Variants in RGS22 observed in about 807,000 individuals in gnomAD.
The protein encoded by RGS22 is regulator of G protein signaling 22, also known as regulator of G-protein signaling 22.
In RGS22, 148 loss-of-function variants were observed where a neutral mutation model predicts 172.9. The observed-to-expected ratio is 0.86, with a 90% CI of 0.75 to 0.98. RGS22 has a LOEUF of 0.98. Among genes scored for constraint, RGS22 ranks in the 50% least tolerant of loss-of-function variants. RGS22 has a pLI of 0.00. For missense variants in RGS22, 1,347 were observed against 1,440.8 expected, an observed-to-expected ratio of 0.93 and a Z score of 1.05; for synonymous variants, 458 against 480.2, an observed-to-expected ratio of 0.95 and a Z score of 0.60.
chr8:100,051,667 TTATATATGTTTATACATATATATATTTA>T (rs1563670304), intron 10 of RGS22, among the ~76,000 whole-genome samples: 1 of 30,984 alleles, frequency 3.2e-5, no homozygotes, highest in African/African-American at 1.2e-4. Flanking sequence ...AAATATATAT[TTATATATGTTTATACATATATATATTTA>T]TATATACGTA....
intron 6 of RGS22, among the ~76,000 whole-genome samples, chr8:100,070,040 A>C (rs1403765412): frequency 6.7e-6 from 1 of 149,982 alleles, no homozygotes; most frequent in African/African-American, 2.4e-5. Flanking sequence ...AAAAAAAAAA[A>C]AAAAAAAACA....
chr8:100,012,099 T>TA, intron 14 of RGS22, among the ~76,000 whole-genome samples: 1 of 150,492 alleles, frequency 6.6e-6, no homozygotes, highest in South Asian at 2.1e-4. Context: ...ATAATATATA[T>TA]TATATATATA....
At chr8:100,061,848 G>A (rs1810160253) in intron 9 of RGS22, among the ~76,000 whole-genome samples, 1 of 152,090 alleles carries the variant, frequency 6.6e-6, no homozygotes, top group Non-Finnish European at 1.5e-5. Flanking sequence ...ACATGCATGT[G>A]TATGTTCATT....
intron 27 of RGS22, among the ~76,000 whole-genome samples, chr8:99,961,853 T>C (rs886293647): frequency 2.0e-5 from 3 of 152,156 alleles, no homozygotes; most frequent in African/African-American, 7.2e-5. Context: ...AAACTAAGGA[T>C]GTTAAGAAAC....
At chr8:99,971,437 G>T (rs1046715922) in intron 23 of RGS22, among the ~76,000 whole-genome samples, 44 of 152,276 alleles carry the variant, frequency 2.9e-4, no homozygotes, top group Middle Eastern at 3.4e-3. Context: ...AAGTCAAATT[G>T]TCTCTGTTTG....
At chr8:99,963,099 G>T in intron 24 of RGS22, 121 bp from the exon 25 acceptor site, 1 of 740,842 alleles carries the variant, frequency 1.3e-6, no homozygotes, top group Non-Finnish European at 2.0e-6. Flanking sequence ...CACACATAAA[G>T]AAAAGTGCAC....
intron 2 of RGS22, among the ~76,000 whole-genome samples, chr8:100,098,947 C>T (rs550813999): frequency 3.1e-4 from 45 of 146,270 alleles, no homozygotes; most frequent in Non-Finnish European, 5.7e-4. Context: ...AATGAAGTCT[C>T]GCTCTGTCAC....
At chr8:100,052,450 C>T (rs1486253508) in intron 10 of RGS22, among the ~76,000 whole-genome samples, 3 of 151,192 alleles carry the variant, frequency 2.0e-5, no homozygotes, top group African/African-American at 2.4e-5. Context: ...TACAGGCGCC[C>T]GCCACCATGC....
intron 2 of RGS22, among the ~76,000 whole-genome samples, chr8:100,104,374 C>A (rs77079709): frequency 2.3e-5 from 3 of 129,278 alleles, no homozygotes; most frequent in African/African-American, 9.7e-5. Flanking sequence ...TTTTTTTTTT[C>A]TTAAAGCAGA....
chr8:100,021,062 C>G (rs932201003), intron 14 of RGS22, among the ~76,000 whole-genome samples: 1 of 152,140 alleles, frequency 6.6e-6, no homozygotes, highest in African/African-American at 2.4e-5. Flanking sequence ...CATCATAGCA[C>G]TGATTATAAG....
intron 22 of RGS22, among the ~76,000 whole-genome samples, chr8:99,978,422 C>T (rs988650959): frequency 6.6e-6 from 1 of 152,058 alleles, no homozygotes; most frequent in Non-Finnish European, 1.5e-5. Flanking sequence ...AGTTGATCTG[C>T]CATACACTCT....
intron 14 of RGS22, among the ~76,000 whole-genome samples, chr8:100,031,180 C>G (rs116330796): frequency 6.6e-6 from 1 of 152,176 alleles, no homozygotes; most frequent in East Asian, 1.9e-4. Flanking sequence ...AACATGAAAC[C>G]AAGACCTATT....
At chr8:100,013,226 T>C (rs532170255) in intron 14 of RGS22, among the ~76,000 whole-genome samples, 133 of 152,224 alleles carry the variant, frequency 8.7e-4, no homozygotes, top group Middle Eastern at 3.4e-3. Flanking sequence ...CCTGACCTCG[T>C]GATCCGCCCG....
intron 3 of RGS22, among the ~76,000 whole-genome samples, chr8:100,082,912 C>T (rs1811871152): frequency 6.6e-6 from 1 of 152,092 alleles, no homozygotes; most frequent in African/African-American, 2.4e-5. Flanking sequence ...GGTAACTCTA[C>T]GCAGCTGGAT....
chr8:100,085,843 T>A (rs1294933059), intron 3 of RGS22, among the ~76,000 whole-genome samples: 1 of 152,228 alleles, frequency 6.6e-6, no homozygotes, highest in Non-Finnish European at 1.5e-5. Flanking sequence ...TCACTCTTCA[T>A]GTCACTCTTT....
chr8:100,052,724 T>C (rs1821803329), intron 10 of RGS22, 78 bp downstream of exon 10: 8 of 1,265,014 alleles, frequency 6.3e-6, no homozygotes, highest in Non-Finnish European at 8.9e-6. Context: ...GTAATGAAAA[T>C]TATCAGTGCA....
intron 14 of RGS22, among the ~76,000 whole-genome samples, chr8:100,035,871 C>A (rs1039408765): frequency 3.3e-5 from 5 of 152,148 alleles, no homozygotes; most frequent in Admixed American, 3.3e-4. Context: ...GAAAACCAAA[C>A]ACTGCATGTT....
chr8:100,040,823 G>T (rs999340222), intron 12 of RGS22, among the ~76,000 whole-genome samples: 1 of 151,888 alleles, frequency 6.6e-6, no homozygotes, highest in East Asian at 1.9e-4. Context: ...AAAAATTTAG[G>T]GTTTAAGTAA....
Position 100,039,957 on chromosome 8 carries a change from T to C in RGS22, c.2064+5A>G. ...AAAATTAAATTTTAAATAATTCTTT[T>C]CTACCTTGTTCCCTGAATGCTCGCA... On this transcript the variant is annotated splice_donor_5th_base_variant and intron_variant, in intron 13 of 27. Transcript: ENST00000360863. The C allele has an allele frequency of 4.8e-6, 7 of 1,453,672 alleles. No homozygotes were observed. Among genetic ancestry groups the C allele is most frequent in the Non-Finnish European group, 6.4e-6 (7 of 1,098,780 alleles). The allele number at this position is 1,453,672 out of a possible 1,614,324, so 90.0% of individuals were successfully genotyped here.
Sources: allele counts gnomAD v4.1 joint callset (sites outside exome capture counted in the v4.1 genomes callset), GRCh38; gene constraint gnomAD v4.1.1; transcripts MANE v1.5; gene names NCBI Gene and HGNC (gene_info 2026-07-23, HGNC 2026-07-21).